SAMMSON: variants seen among roughly 807,000 people sequenced by gnomAD.
SAMMSON encodes the protein survival associated mitochondrial melanoma specific oncogenic non-coding RNA.
At chr3:70,223,715 C>G (rs1701479618) in intron 4 of SAMMSON, among the ~76,000 whole-genome samples, 1 of 152,114 alleles carries the variant, frequency 6.6e-6, no homozygotes. Flanking sequence ...TAAGAGCATC[C>G]TAGAACAGGA....
chr3:70,416,848 T>C (rs1166810919), intron 2 of SAMMSON, among the ~76,000 whole-genome samples: 4 of 152,190 alleles, frequency 2.6e-5, no homozygotes, highest in Non-Finnish European at 5.9e-5. Flanking sequence ...TTTCCACTGA[T>C]TGTAGAAGCT....
chr3:70,183,908 TAAG>T (rs1701072576), intron 4 of SAMMSON: 1 of 152,188 alleles, frequency 6.6e-6, no homozygotes, highest in Admixed American at 6.5e-5. Context: ...AAGGGAAAGA[TAAG>T]AAGAGAGAGT....
intron 7 of SAMMSON, among the ~76,000 whole-genome samples, chr3:70,337,044 T>G (rs1303075074): frequency 8.3e-6 from 1 of 120,524 alleles, no homozygotes; most frequent in Non-Finnish European, 1.9e-5. Flanking sequence ...ATATCTAACT[T>G]AATATTATTA....
chr3:70,041,528 G>T (rs1377958595), intron 3 of SAMMSON, among the ~76,000 whole-genome samples: 1 of 151,966 alleles, frequency 6.6e-6, no homozygotes, highest in Admixed American at 6.6e-5. Flanking sequence ...AATAATGCTT[G>T]TAAAGCCCTT....
In SAMMSON at chr3:70,321,046, A is replaced by T. The variant is rs568298648; in HGVS notation, n.739+29803A>T. Among the ~76,000 whole-genome samples the T allele has an allele frequency of 9.2e-5, 14 of 152,206 alleles. No homozygotes were observed. In the East Asian group the frequency reaches 2.7e-3, roughly 29 times the overall value. ...AACACCCAGTAAAGGCTTAGCAATT[A>T]TGTTTATTATGAGTGATTTTTGATT... On this transcript the variant is annotated intron_variant and non_coding_transcript_variant, in intron 7 of 9. Transcript: ENST00000642114.
intron 7 of SAMMSON, among the ~76,000 whole-genome samples, chr3:70,317,058 G>A (rs1199207992): frequency 6.6e-6 from 1 of 151,892 alleles, no homozygotes; most frequent in African/African-American, 2.4e-5. Context: ...AGTTCACATA[G>A]CAAAAATGTT....
chr3:70,361,859 A>G (rs530257179), intron 9 of SAMMSON, among the ~76,000 whole-genome samples: 1 of 152,310 alleles, frequency 6.6e-6, no homozygotes, highest in Admixed American at 6.5e-5. Context: ...ACATAAATCC[A>G]AAAATAGGAG....
intron 3 of SAMMSON, among the ~76,000 whole-genome samples, chr3:70,071,283 G>A (rs1395530111): frequency 7.1e-6 from 1 of 141,644 alleles, no homozygotes; most frequent in Admixed American, 7.1e-5. Context: ...TCAGTTATGC[G>A]TAGATGCACA....
At chr3:70,042,455 G>GT (rs1380728251) in intron 3 of SAMMSON, among the ~76,000 whole-genome samples, 3 of 151,992 alleles carry the variant, frequency 2.0e-5, no homozygotes, top group Non-Finnish European at 4.4e-5. Context: ...ATTCAAGCAT[G>GT]TTTTTTTGTT....
chr3:70,258,834 T>C (rs1001901728), intron 6 of SAMMSON, among the ~76,000 whole-genome samples: 4 of 152,148 alleles, frequency 2.6e-5, no homozygotes, highest in South Asian at 4.1e-4. Flanking sequence ...ACAAAAACGC[T>C]GAGAGCAGGT....
chr3:70,296,619 C>T (rs1285481176), intron 7 of SAMMSON, among the ~76,000 whole-genome samples: 1 of 152,150 alleles, frequency 6.6e-6, no homozygotes, highest in Non-Finnish European at 1.5e-5. Context: ...GTTGCTTGGA[C>T]CTTGTCCTTG....
chr3:70,134,143 C>T (rs1208460074), intron 4 of SAMMSON, among the ~76,000 whole-genome samples: 1 of 150,986 alleles, frequency 6.6e-6, no homozygotes, highest in African/African-American at 2.4e-5. Context: ...GCCTGTAATC[C>T]CAGCTACTTG....
intron 4 of SAMMSON, among the ~76,000 whole-genome samples, chr3:70,230,326 C>T (rs868351153): frequency 3.3e-5 from 5 of 152,128 alleles, no homozygotes; most frequent in African/African-American, 9.7e-5. Flanking sequence ...TTCACTGCAA[C>T]GAAATTTCAC....
At chr3:70,135,674 T>C (rs921440782) in intron 4 of SAMMSON, among the ~76,000 whole-genome samples, 2 of 152,234 alleles carry the variant, frequency 1.3e-5, no homozygotes, top group South Asian at 4.1e-4. Flanking sequence ...TATCAGTGCA[T>C]ATCCTTCTAG....
intron 4 of SAMMSON, chr3:70,072,426 A>G (rs963011063): frequency 3.3e-5 from 5 of 151,888 alleles, no homozygotes; most frequent in Middle Eastern, 3.4e-3. Context: ...CCTACTCTTC[A>G]AACAACACTT....
chr3:70,384,641 C>T (rs773143932), intron 9 of SAMMSON, among the ~76,000 whole-genome samples: 5 of 151,966 alleles, frequency 3.3e-5, no homozygotes, highest in South Asian at 2.1e-4. Context: ...GCAGGGGCCC[C>T]GCAACATCTA....
chr3:70,308,506 T>G (rs1159207225), intron 7 of SAMMSON, among the ~76,000 whole-genome samples: 2 of 152,202 alleles, frequency 1.3e-5, no homozygotes, highest in African/African-American at 4.8e-5. Flanking sequence ...CAGCTCTGGC[T>G]GTGGCTTTCC....
intron 2 of SAMMSON, among the ~76,000 whole-genome samples, chr3:70,430,238 T>C (rs1055132573): frequency 6.6e-6 from 1 of 152,200 alleles, no homozygotes; most frequent in African/African-American, 2.4e-5. Flanking sequence ...GTGGTTTTTG[T>C]CACTGGTTCT....
At chr3:70,398,836 G>C (rs1287432481) in intron 2 of SAMMSON, among the ~76,000 whole-genome samples, 1 of 152,130 alleles carries the variant, frequency 6.6e-6, no homozygotes, top group Non-Finnish European at 1.5e-5. Context: ...CATGGCTTTT[G>C]GAGCCAAAAT....
Sources: allele counts gnomAD v4.1 joint callset (sites outside exome capture counted in the v4.1 genomes callset), GRCh38; gene constraint gnomAD v4.1.1; transcripts MANE v1.5; gene names NCBI Gene and HGNC (gene_info 2026-07-23, HGNC 2026-07-21).